The following PDE7A variants were observed in gnomAD, a reference collection of about 807,000 sequenced individuals.
The protein encoded by PDE7A is phosphodiesterase 7A, also known as high affinity 3',5'-cyclic-AMP phosphodiesterase 7A.
A neutral mutation model predicts 64.3 loss-of-function variants in PDE7A; 39 were observed. The ratio of observed to expected loss-of-function variants is 0.61; its 90% CI spans 0.47 to 0.79. The LOEUF is 0.79. Among genes scored for constraint, PDE7A ranks in the 30% least tolerant of loss-of-function variants. The pLI is 0.00. For synonymous variants in PDE7A, 203 were observed against 206.8 expected (o/e 0.98, Z 0.16); for missense variants, 470 against 582.8 (o/e 0.81, Z 1.99).
At chr8:65,754,397 T>A (rs978780778) in intron 3 of PDE7A, among the ~76,000 whole-genome samples, 2 of 151,936 alleles carry the variant, frequency 1.3e-5, no homozygotes, top group Non-Finnish European at 2.9e-5. Context: ...AACCATCATA[T>A]ACCTCCTTTC....
At chr8:65,831,417 G>T (rs1387557516) in intron 1 of PDE7A, among the ~76,000 whole-genome samples, 1 of 151,968 alleles carries the variant, frequency 6.6e-6, no homozygotes, top group East Asian at 1.9e-4. Context: ...AAAACAGTAG[G>T]AATACTTTTT....
At chr8:65,751,557 A>G (rs7845030) in intron 3 of PDE7A, among the ~76,000 whole-genome samples, 35,799 of 151,750 alleles carry the variant, frequency 0.24, 6,022 homozygotes, top group African/African-American at 0.48. Flanking sequence ...CAATGGTGCG[A>G]TATCGGCTCA....
intron 1 of PDE7A, among the ~76,000 whole-genome samples, chr8:65,792,335 A>C (rs1809723452): frequency 1.3e-5 from 2 of 152,264 alleles, no homozygotes; most frequent in Non-Finnish European, 2.9e-5. Context: ...AGCTGAGTTA[A>C]AAGCAGACCT....
At chr8:65,768,404 G>A (rs1254156436) in intron 3 of PDE7A, among the ~76,000 whole-genome samples, 1 of 152,166 alleles carries the variant, frequency 6.6e-6, no homozygotes, top group Admixed American at 6.5e-5. Flanking sequence ...TCTCATGATA[G>A]TGAATAAGTC....
At chr8:65,834,975 T>C (rs1450027706) in intron 1 of PDE7A, among the ~76,000 whole-genome samples, 2 of 152,172 alleles carry the variant, frequency 1.3e-5, no homozygotes, top group Admixed American at 1.3e-4. Flanking sequence ...CAAATATACC[T>C]GAATGCAAAT....
In PDE7A at chr8:65,827,846, G is replaced by A. The variant is rs7837567; in HGVS notation, c.138+13525C>T. ...ATGATGTTCACACAACGACGAAATC[G>A]CCTAATGATGCATTTATCAGTATGT... On this transcript the variant is annotated intron_variant, in intron 1 of 12. Transcript: ENST00000401827. Among the ~76,000 whole-genome samples the A allele has an allele frequency of 7.8e-3, 1,181 of 152,144 alleles. 10 individuals carry two copies. Among genetic ancestry groups the A allele is most frequent in the African/African-American group, 0.026 (1,068 of 41,512 alleles).
intron 1 of PDE7A, among the ~76,000 whole-genome samples, chr8:65,801,030 A>G (rs1809973675): frequency 6.6e-6 from 1 of 152,066 alleles, no homozygotes; most frequent in South Asian, 2.1e-4. Flanking sequence ...AGAGTCGTGC[A>G]CCCCTTTTGT....
At chr8:65,796,885 G>GA (rs1250566613) in intron 1 of PDE7A, among the ~76,000 whole-genome samples, 2 of 151,920 alleles carry the variant, frequency 1.3e-5, no homozygotes, top group Non-Finnish European at 2.9e-5. Flanking sequence ...TAGAAACAAA[G>GA]AAAAAACTGT....
At chr8:65,822,273 A>G (rs1237090350) in intron 1 of PDE7A, among the ~76,000 whole-genome samples, 1 of 152,184 alleles carries the variant, frequency 6.6e-6, no homozygotes, top group African/African-American at 2.4e-5. Flanking sequence ...ATACCACTTC[A>G]AGAAGTGCTC....
chr8:65,742,063 A>G (rs1369091424), intron 5 of PDE7A, among the ~76,000 whole-genome samples: 1 of 152,262 alleles, frequency 6.6e-6, no homozygotes, highest in Non-Finnish European at 1.5e-5. Context: ...AGTCAACAAA[A>G]TATTTCAAAA....
chr8:65,758,468 T>C (rs192314943), intron 3 of PDE7A, among the ~76,000 whole-genome samples: 1 of 152,304 alleles, frequency 6.6e-6, no homozygotes. Flanking sequence ...TTTATAGTCA[T>C]ATCAGCATCC....
At chr8:65,737,353 C>T (rs1196243492) in intron 6 of PDE7A, among the ~76,000 whole-genome samples, 1 of 152,006 alleles carries the variant, frequency 6.6e-6, no homozygotes, top group Non-Finnish European at 1.5e-5. Flanking sequence ...TGGGGATATG[C>T]ATCTTTATAA....
intron 1 of PDE7A, chr8:65,838,390 C>G (rs1240659680): frequency 2.0e-5 from 3 of 152,208 alleles, no homozygotes; most frequent in Non-Finnish European, 4.4e-5. Context: ...TCTACTTTAT[C>G]ATTCACTAAT....
chr8:65,723,595 C>T lies in PDE7A; in HGVS notation c.1189G>A (p.Gly397Ser). 2.5e-6 allele frequency: 4 copies of T among 1,573,622 alleles called. No homozygotes were observed. In the South Asian group the frequency reaches 3.7e-5, roughly 14 times the overall value. The change falls in exon 12 of 13, where the codon GGT becomes AGT. Residue 397 changes from glycine to serine, a missense_variant. Transcript: ENST00000401827. Reference sequence around the variant, plus strand: ...TGACGATCGCAAAGTGGACTCACACCCAAATGATATTTTTTTTCTATATCT... The same window carrying T: ...TGACGATCGCAAAGTGGACTCACACTCAAATGATATTTTTTTTCTATATCT... Reference protein sequence around the residue: ...QGDIEKKYHLGVSPLCDRHTE... With the variant: ...QGDIEKKYHLSVSPLCDRHTE...
At chr8:65,766,263 A>G (rs951239535) in intron 3 of PDE7A, among the ~76,000 whole-genome samples, 1 of 152,174 alleles carries the variant, frequency 6.6e-6, no homozygotes. Flanking sequence ...ATTTTTGACA[A>G]AAAAATCAAT....
intron 7 of PDE7A, among the ~76,000 whole-genome samples, chr8:65,731,980 ATTATTATTG>A (rs1452712758): frequency 3.3e-5 from 5 of 151,454 alleles, no homozygotes; most frequent in African/African-American, 7.3e-5. Context: ...TATTATTATT[ATTATTATTG>A]TTGTTGTTGT....
chr8:65,762,999 G>A (rs936972334), intron 3 of PDE7A, among the ~76,000 whole-genome samples: 1 of 111,120 alleles, frequency 9.0e-6, no homozygotes, highest in African/African-American at 4.4e-5. Flanking sequence ...CAATGTGTGT[G>A]TGTGTGTGTG....
intron 1 of PDE7A, among the ~76,000 whole-genome samples, chr8:65,821,317 G>A (rs1810536067): frequency 6.6e-6 from 1 of 152,030 alleles, no homozygotes; most frequent in Non-Finnish European, 1.5e-5. Flanking sequence ...AGAAGGATGA[G>A]CACTGTTCCC....
intron 1 of PDE7A, among the ~76,000 whole-genome samples, chr8:65,790,786 T>A (rs187213664): frequency 6.6e-6 from 1 of 152,240 alleles, no homozygotes; most frequent in East Asian, 1.9e-4. Flanking sequence ...AGCTTTAATA[T>A]GAGACCGTCA....
Sources: gnomAD v4.1 joint callset for allele counts (sites outside exome capture counted in the v4.1 genomes callset) on GRCh38, gnomAD v4.1.1 for gene constraint, MANE v1.5 for transcripts, NCBI Gene and HGNC (gene_info 2026-07-23, HGNC 2026-07-21) for gene names.